Variants in CMYA5 observed in about 807,000 individuals in gnomAD.
The protein encoded by CMYA5 is cardiomyopathy associated 5.
In CMYA5, 246 loss-of-function variants were observed where a neutral mutation model predicts 318.9. The observed-to-expected ratio is 0.77, with a 90% confidence interval of 0.70 to 0.86. CMYA5 has a LOEUF of 0.86. Ranked by LOEUF, CMYA5 falls within the 40% of genes least tolerant of loss-of-function variation. CMYA5 has a pLI of 0.00. For synonymous variants in CMYA5, 1,641 were observed against 1,729.5 expected (o/e 0.95, Z 1.27); for missense variants, 4,589 against 4,678.2 (o/e 0.98, Z 0.56).
chr5:79,732,018 G>A lies in CMYA5; in HGVS notation c.3253G>A (p.Asp1085Asn), dbSNP rs766815578. The A allele has an allele frequency of 3.1e-6, 5 of 1,613,922 alleles. No individual in the cohort carries two copies. Among genetic ancestry groups the A allele is most frequent in the Non-Finnish European group, 4.2e-6 (5 of 1,179,856 alleles). Residue 1085 changes from aspartate (D) to asparagine (N), a missense_variant, in exon 2 of 13, where the codon GAT becomes AAT. By Grantham distance (23) the Asp-to-Asn change is conservative (BLOSUM62 1). Transcript: ENST00000446378. ...AGACTTAAGTCTGCCGCCTTCAACA[G>A]ATAAATCAGAGAAAGCAGAAATTAA... ...LEDLSLPPST[D>N]KSEKAEIKPE...
intron 8 of CMYA5, 146 bp from the exon 9 acceptor site, chr5:79,762,916 C>T: frequency 1.2e-6 from 1 of 819,690 alleles, no homozygotes; most frequent in African/African-American, 1.7e-5. Flanking sequence ...ATATTTGATC[C>T]CTTTTGGGTT....
intron 1 of CMYA5, among the ~76,000 whole-genome samples, chr5:79,703,676 A>T (rs1420314084): frequency 6.6e-6 from 1 of 152,136 alleles, no homozygotes; most frequent in African/African-American, 2.4e-5. Context: ...GTAAGTTGGA[A>T]ATGGAGGCAG....
chr5:79,752,918 A>G (rs1828458127), intron 6 of CMYA5, 124 bp downstream of exon 6: 1 of 625,412 alleles, frequency 1.6e-6, no homozygotes, highest in Non-Finnish European at 2.7e-6. Context: ...AAAGAAAAGT[A>G]TTAGTTGTAA....
chr5:79,759,615 T>C (rs560684803), intron 7 of CMYA5, among the ~76,000 whole-genome samples: 5 of 152,288 alleles, frequency 3.3e-5, no homozygotes, highest in Admixed American at 2.0e-4. Flanking sequence ...CAGTTTGAGG[T>C]TGTGCTTCCT....
At chr5:79,708,387 C>T (rs974100221) in intron 1 of CMYA5, among the ~76,000 whole-genome samples, 6 of 151,582 alleles carry the variant, frequency 4.0e-5, no homozygotes, top group Admixed American at 1.3e-4. Flanking sequence ...TTTGGGAGGC[C>T]GAGGCAGGCA....
intron 1 of CMYA5, among the ~76,000 whole-genome samples, chr5:79,697,949 A>G (rs886788034): frequency 1.3e-5 from 2 of 152,198 alleles, no homozygotes; most frequent in Non-Finnish European, 1.5e-5. Context: ...TTATGTTTAA[A>G]AATAGACATT....
intron 5 of CMYA5, among the ~76,000 whole-genome samples, chr5:79,749,887 G>A (rs1828398611): frequency 6.6e-6 from 1 of 152,082 alleles, no homozygotes; most frequent in Admixed American, 6.6e-5. Context: ...CTGTTGTGAT[G>A]AGCTCAAGTG....
chr5:79,745,042 C>T (rs1731078123), intron 3 of CMYA5, among the ~76,000 whole-genome samples, 180 bp from the exon 4 acceptor site: 1 of 151,216 alleles, frequency 6.6e-6, no homozygotes, highest in African/African-American at 2.4e-5. Flanking sequence ...TGCTTTATTG[C>T]AAAACTAACT....
At position 79,737,401 on chromosome 5, in the gene CMYA5, C is replaced by T; in HGVS notation, c.8636C>T (p.Thr2879Ile). 3 of 1,613,868 alleles carry T rather than the reference C, an allele frequency of 1.9e-6. No homozygotes were observed. Among genetic ancestry groups the T allele is most frequent in the African/African-American group, 1.3e-5 (1 of 75,050 alleles). ...SKHHLEAAED[T>I]RVKEPLSSAK... ...CACCACTTGGAGGCTGCGGAAGATA[C>T]CCGTGTAAAGGAACCACTGTCTTCA... Residue 2879 changes from threonine to isoleucine, a missense_variant, in exon 2 of 13, where the codon ACC becomes ATC. Around this residue, in one of 3 missense-constraint regions of CMYA5, gnomAD observed 2,431 missense variants for 2,495.1 expected, o/e 0.97. Transcript: ENST00000446378.
At chr5:79,793,064 A>G (rs533903960) in intron 11 of CMYA5, among the ~76,000 whole-genome samples, 1 of 152,376 alleles carries the variant, frequency 6.6e-6, no homozygotes, top group African/African-American at 2.4e-5. Flanking sequence ...TATGCAAATT[A>G]TGTTTCCTAC....
At chr5:79,713,304 CCCCCCA>C (rs1381631397) in intron 1 of CMYA5, among the ~76,000 whole-genome samples, 10 of 118,512 alleles carry the variant, frequency 8.4e-5, no homozygotes, top group African/African-American at 3.6e-4. Context: ...CCCGCCCCCA[CCCCCCA>C]CCCGCCGTCA....
intron 5 of CMYA5, among the ~76,000 whole-genome samples, chr5:79,750,416 CA>C (rs1303209067): frequency 6.6e-6 from 1 of 152,174 alleles, no homozygotes; most frequent in Non-Finnish European, 1.5e-5. Context: ...GGCTTCCAGT[CA>C]ACAGCAGACT....
chr5:79,695,444 C>T (rs1827049299), intron 1 of CMYA5, among the ~76,000 whole-genome samples: 1 of 152,170 alleles, frequency 6.6e-6, no homozygotes, highest in Non-Finnish European at 1.5e-5. Flanking sequence ...TTATTTTGTA[C>T]TAAGTCTCTG....
chr5:79,706,221 G>A (rs1198764003), intron 1 of CMYA5, among the ~76,000 whole-genome samples: 1 of 152,128 alleles, frequency 6.6e-6, no homozygotes, highest in Non-Finnish European at 1.5e-5. Flanking sequence ...GGGATTTAGG[G>A]TCATTTGATT....
In CMYA5 at chr5:79,735,855, G is replaced by T; in HGVS notation, c.7090G>T (p.Glu2364Ter). The T allele has an allele frequency of 6.4e-7, 1 of 1,559,140 alleles. No individual in the cohort carries two copies. The highest frequency in any genetic ancestry group is 8.6e-7 in the Non-Finnish European group (1 of 1,160,940). Residue 2364 changes from glutamate to a stop codon, truncating the protein, a stop_gained, in exon 2 of 13, where the codon GAA (glutamate) becomes TAA (stop). Coordinates refer to ENST00000446378, the MANE Select transcript of CMYA5 (RefSeq NM_153610.5). LOFTEE classifies it high-confidence loss of function. ...TAAATGGAATATTTCTATTTTTAAG[G>T]AAGAGCCAAGAAGTGATCAAAAACA... ...PSKWNISIFKEEPRSDQKQKS... is the reference protein window; with the variant it reads ...PSKWNISIFK
At chr5:79,746,987 T>C in intron 4 of CMYA5, 104 bp from the exon 5 acceptor site, 1 of 717,192 alleles carries the variant, frequency 1.4e-6, no homozygotes, top group Non-Finnish European at 2.4e-6. Context: ...GTAATCTTAA[T>C]GCTCCTGGTT....
rs567778806 is a variant in CMYA5 at position 79,768,145 on chromosome 5, T to G, written c.11555+4936T>G. On this transcript the variant is annotated intron_variant, in intron 9 of 12. Coordinates refer to ENST00000446378, the MANE Select transcript of CMYA5 (RefSeq NM_153610.5). ...ACCCCTGCTTTTTTTTTTCTTTCCA[T>G]TTGCTTGGTAAGTATTCCTCCATCC... 2.2e-3 allele frequency among the ~76,000 whole-genome samples: 338 copies of G among 152,214 alleles called. 2 individuals are homozygous for G. The highest frequency in any genetic ancestry group is 7.9e-3 in the African/African-American group (330 of 41,526).
intron 5 of CMYA5, among the ~76,000 whole-genome samples, chr5:79,750,010 A>AT (rs11440578): frequency 0.11 from 16,260 of 146,352 alleles, 1,827 homozygotes; most frequent in African/African-American, 0.29. Context: ...GTTTTTGCCT[A>AT]TTTTTTTTTT....
chr5:79,788,920 A>T, intron 9 of CMYA5, 51 bp from the exon 10 acceptor site: 2 of 1,551,242 alleles, frequency 1.3e-6, no homozygotes, highest in Non-Finnish European at 1.8e-6. Context: ...AATAGGAATC[A>T]TTTAGCATGT....
Sources: gnomAD v4.1 joint callset for allele counts (sites outside exome capture counted in the v4.1 genomes callset) on GRCh38, gnomAD v4.1.1 for gene constraint, gnomAD v4.1.1 regional missense constraint, MANE v1.5 for transcripts, NCBI Gene and HGNC (gene_info 2026-07-23, HGNC 2026-07-21) for gene names.